Variants in TBC1D16 observed in about 807,000 individuals in gnomAD.
TBC1D16 encodes CTD-2529O21.1.
In TBC1D16, 58 loss-of-function variants were observed where a neutral mutation model predicts 74.7. The observed-to-expected ratio is 0.78, with a 90% confidence interval of 0.63 to 0.97. The LOEUF (loss-of-function observed/expected upper bound fraction) is 0.97. Among genes scored for constraint, TBC1D16 ranks in the 50% least tolerant of loss-of-function variants. The probability of loss-of-function intolerance (pLI) is 0.00; values close to 1 mark genes in which losing one functional copy is unlikely to be tolerated. For missense variants in TBC1D16, 1,014 were observed against 1,079.5 expected (o/e 0.94, Z 0.85); for synonymous variants, 493 against 474.7 (o/e 1.04, Z -0.50).
At chr17:79,989,336 G>C (rs1362200330) in intron 3 of TBC1D16, among the ~76,000 whole-genome samples, 1 of 152,252 alleles carries the variant, frequency 6.6e-6, no homozygotes, top group Non-Finnish European at 1.5e-5. Context: ...CCTCTCACTG[G>C]TGGTTGGTTC....
At position 79,975,197 on chromosome 17, in the gene TBC1D16, T is replaced by C. The variant is rs1223865429; in HGVS notation, c.780-22379A>G. Reference sequence around the variant, plus strand: ...GGACAGCGAGTTCTGTTTCATTTTGTTTTGTTTTTCCCTTTGCATTTGGTG... The same window carrying C: ...GGACAGCGAGTTCTGTTTCATTTTGCTTTGTTTTTCCCTTTGCATTTGGTG... On this transcript the variant is annotated intron_variant, in intron 3 of 11. Coordinates refer to ENST00000310924, the MANE Select transcript of TBC1D16 (RefSeq NM_019020.4). The surrounding 1 kb of genome is among the most constrained non-coding windows in gnomAD (Gnocchi z 4.5). Among the ~76,000 whole-genome samples, 1 of 152,190 alleles carries C rather than the reference T, an allele frequency of 6.6e-6. No homozygotes were observed. The highest frequency in any genetic ancestry group is 6.5e-5 in the Admixed American group (1 of 15,288).
intron 1 of TBC1D16, among the ~76,000 whole-genome samples, chr17:80,015,797 G>C (rs2036066179): frequency 6.6e-6 from 1 of 152,062 alleles, no homozygotes; most frequent in South Asian, 2.1e-4. Flanking sequence ...GATCACCTGA[G>C]GTCAGGAGTT....
In TBC1D16 at chr17:80,013,092, C is replaced by T. The variant is rs146764776; in HGVS notation, c.181+275G>A. Among the ~76,000 whole-genome samples, 2,000 of 152,360 alleles carry T rather than the reference C, an allele frequency of 0.013. 20 individuals are homozygous for T. The highest frequency in any genetic ancestry group is 0.042 in the South Asian group (204 of 4,832). ...ATTTATTTGTTGCAAGTCATTCACA[C>T]GAATGACAAGGGGCCAGGCAGGCCT... On this transcript the variant is annotated intron_variant, in intron 2 of 11. Coordinates refer to ENST00000310924, the MANE Select transcript of TBC1D16 (RefSeq NM_019020.4).
rs1387063427 is a variant in TBC1D16, at chr17:80,001,794, C to T, written c.779+8366G>A. Among the ~76,000 whole-genome samples the T allele has an allele frequency of 6.7e-6, 1 of 150,072 alleles. No homozygotes were observed. The highest frequency in any genetic ancestry group is 2.0e-4 in the East Asian group (1 of 5,064). The stretch of plus-strand genomic sequence containing the variant: ...GCCCACCCTCCCCACTCACCCCTTG[C>T]CCCCTTCCCTGCTGTCTCTTGCCCT... On this transcript the variant is annotated intron_variant, in intron 3 of 11. Transcript: ENST00000310924. The surrounding 1 kb of genome is among the most constrained non-coding windows in gnomAD (Gnocchi z 5.8).
At chr17:79,945,212 CT>C in intron 9 of TBC1D16, 125 bp from the exon 10 acceptor site, 1 of 1,025,096 alleles carries the variant, frequency 9.8e-7, no homozygotes, top group East Asian at 2.6e-5. Flanking sequence ...CCAGGGGCCT[CT>C]ACCTGCTGCA....
intron 7 of TBC1D16, among the ~76,000 whole-genome samples, chr17:79,949,387 C>G (rs2032841748): frequency 6.6e-6 from 1 of 152,242 alleles, no homozygotes; most frequent in South Asian, 2.1e-4. Context: ...AAGTGGGACA[C>G]AGTCTCCGGA....
chr17:80,019,207 G>C (rs2036200069), intron 1 of TBC1D16, among the ~76,000 whole-genome samples: 1 of 150,212 alleles, frequency 6.7e-6, no homozygotes, highest in Non-Finnish European at 1.5e-5. Flanking sequence ...CTTTAAAGGA[G>C]ATTCCGAAAT....
chr17:79,953,318 T>C (rs2033173397), intron 3 of TBC1D16, among the ~76,000 whole-genome samples: 1 of 152,210 alleles, frequency 6.6e-6, no homozygotes, highest in Admixed American at 6.5e-5. Flanking sequence ...AAAGTACTGG[T>C]TCAGTTTATG....
rs535938377 is a variant in TBC1D16 at position 80,017,548 on chromosome 17, G to A, written c.-62-3939C>T. 3.3e-5 allele frequency among the ~76,000 whole-genome samples: 5 copies of A among 152,010 alleles called. No homozygotes were observed. The East Asian group carries it at 9.7e-4, about 29-fold the overall frequency. On this transcript the variant is annotated intron_variant, in intron 1 of 11. Coordinates refer to ENST00000310924, the MANE Select transcript of TBC1D16 (RefSeq NM_019020.4). ...AATACAAAATTAGCCGGGCGTGATG[G>A]TGCATGCCTGTGATCCCAGCTACTC...
In TBC1D16 at chr17:79,950,669, T is replaced by A. The variant is rs961006148; in HGVS notation, c.1090-91A>T. ...CTTTTCCCAGGAATAAAAGCCTCTC[T>A]CTCTTCTGAAAGGAGGGCAAGGGCC... On this transcript the variant is annotated intron_variant, in intron 5 of 11. Transcript: ENST00000310924. The surrounding 1 kb of genome is among the most constrained non-coding windows in gnomAD (Gnocchi z 4.6). The A allele has an allele frequency of 6.4e-6, 10 of 1,556,824 alleles. No individual in the cohort carries two copies. The East Asian group carries it at 2.1e-4, about 33-fold the overall frequency.
In TBC1D16 at chr17:79,956,385, C is replaced by T. The variant is rs2033338481; in HGVS notation, c.780-3567G>A. 6.6e-6 allele frequency among the ~76,000 whole-genome samples: 1 copy of T among 152,220 alleles called. No homozygotes were observed. The highest frequency in any genetic ancestry group is 6.5e-5 in the Admixed American group (1 of 15,286). On this transcript the variant is annotated intron_variant, in intron 3 of 11. Transcript: ENST00000310924. This position sits in a 1 kb window ranked among gnomAD's most constrained non-coding sequence, Gnocchi z 4.0. Reference sequence around the variant, plus strand: ...CCTCCAGCCTCAGTCTCCCAAGTAGCTGGGACTACAGGCACTCACCACCAC... The same window carrying T: ...CCTCCAGCCTCAGTCTCCCAAGTAGTTGGGACTACAGGCACTCACCACCAC...
In TBC1D16 at chr17:79,958,216, AT is replaced by A. The variant is rs557536242; in HGVS notation, c.780-5399del. Among the ~76,000 whole-genome samples, 858 of 137,436 alleles carry A rather than the reference AT, an allele frequency of 6.2e-3. 1 individual carries two copies. The highest frequency in any genetic ancestry group is 0.011 in the African/African-American group (411 of 37,064). The allele number at this position is 137,436 out of a possible 152,430, so 90.2% of individuals were successfully genotyped here. A position where few individuals can be genotyped will look rare whatever the true frequency, so the allele number is the denominator to read the frequency against. ...GGGGAGAAAGAATATAAACTGACCA[AT>A]TTTTTTTTTTTTTTTTTGAGATGGA... On this transcript the variant is annotated intron_variant, in intron 3 of 11. Coordinates refer to ENST00000310924, the MANE Select transcript of TBC1D16 (RefSeq NM_019020.4).
chr17:79,998,640 C>A (rs959411592), intron 3 of TBC1D16, among the ~76,000 whole-genome samples: 1 of 151,802 alleles, frequency 6.6e-6, no homozygotes, highest in Admixed American at 6.6e-5. Flanking sequence ...CCACCGCACC[C>A]GGCCCAGATT....
At position 80,008,953 on chromosome 17, in the gene TBC1D16, G is replaced by C. The variant is rs2035776846; in HGVS notation, c.779+1207C>G. 6.6e-6 allele frequency among the ~76,000 whole-genome samples: 1 copy of C among 152,218 alleles called. No homozygotes were observed. The highest frequency in any genetic ancestry group is 1.5e-5 in the Non-Finnish European group (1 of 68,026). ...CCTTTTATGCTGCAGCCCTGGGGCA[G>C]ACCCAGCTGGGTTCACATCCCAGCT... On this transcript the variant is annotated intron_variant, in intron 3 of 11. Transcript: ENST00000310924. The surrounding 1 kb of genome is among the most constrained non-coding windows in gnomAD (Gnocchi z 4.5).
In TBC1D16 at chr17:79,971,337, T is replaced by C. The variant is rs966515923; in HGVS notation, c.780-18519A>G. Among the ~76,000 whole-genome samples, 6 of 152,178 alleles carry C rather than the reference T, an allele frequency of 3.9e-5. No individual in the cohort carries two copies. The highest frequency in any genetic ancestry group is 5.9e-5 in the Non-Finnish European group (4 of 68,016). On this transcript the variant is annotated intron_variant, in intron 3 of 11. Transcript: ENST00000310924. This position sits in a 1 kb window ranked among gnomAD's most constrained non-coding sequence, Gnocchi z 4.6. ...CGCACCCGGCCCACACTCCCAGTAT[T>C]TTTTAAGTTGCTTAACATTTGCAAG...
rs1042861324 is a variant in TBC1D16, at chr17:79,941,797, C to T, written c.2055+263G>A. 3.3e-5 allele frequency among the ~76,000 whole-genome samples: 5 copies of T among 152,170 alleles called. No homozygotes were observed. The highest frequency in any genetic ancestry group is 5.9e-5 in the Non-Finnish European group (4 of 68,026). On this transcript the variant is annotated intron_variant, in intron 11 of 11. Coordinates refer to ENST00000310924, the MANE Select transcript of TBC1D16 (RefSeq NM_019020.4). The surrounding 1 kb of genome is among the most constrained non-coding windows in gnomAD (Gnocchi z 4.3). Reference sequence around the variant, plus strand: ...GTGAATTCGTTCCCTCCTCAGCCAGCGAGGGAGGCTCCTGTGTCAGGGCTG... The same window carrying T: ...GTGAATTCGTTCCCTCCTCAGCCAGTGAGGGAGGCTCCTGTGTCAGGGCTG...
intron 1 of TBC1D16, among the ~76,000 whole-genome samples, chr17:80,023,657 G>GCCCCCCCC (rs200450567): frequency 2.8e-5 from 4 of 144,246 alleles, no homozygotes; most frequent in African/African-American, 1.1e-4. Context: ...CTGCTGCCGG[G>GCCCCCCCC]CCCCCCCCCA....
rs1229883494 is a variant in TBC1D16 at position 80,035,504 on chromosome 17, C to A, written c.-63+291G>T. 9.2e-5 allele frequency among the ~76,000 whole-genome samples: 14 copies of A among 152,038 alleles called. No individual in the cohort carries two copies. Among genetic ancestry groups the A allele is most frequent in the Non-Finnish European group, 2.1e-4 (14 of 67,974 alleles). On this transcript the variant is annotated intron_variant, in intron 1 of 11. Transcript: ENST00000310924. This position sits in a 1 kb window ranked among gnomAD's most constrained non-coding sequence, Gnocchi z 5.3. ...GCTCCAGACAGGCGGGGACCAGTCT[C>A]CCCGAATTAGGCCCATTCCGGGCCC...
intron 3 of TBC1D16, among the ~76,000 whole-genome samples, chr17:79,970,290 G>A (rs962964548): frequency 5.9e-5 from 9 of 152,166 alleles, no homozygotes; most frequent in Non-Finnish European, 1.3e-4. Context: ...GGAAGGGCTG[G>A]GCTGTGACTG....
Sources: gnomAD v4.1 joint callset for allele counts (sites outside exome capture counted in the v4.1 genomes callset) on GRCh38, gnomAD v4.1.1 for gene constraint, Gnocchi (gnomAD v3.1) non-coding constraint, MANE v1.5 for transcripts, NCBI Gene and HGNC (gene_info 2026-07-23, HGNC 2026-07-21) for gene names.